COBL: variants seen among roughly 807,000 people sequenced by gnomAD.
COBL encodes cordon-bleu WH2 repeat protein.
COBL carries 51 observed loss-of-function variants against 98.8 expected under a neutral mutation model. The ratio of observed to expected loss-of-function variants is 0.52; its 90% confidence interval spans 0.41 to 0.65. The LOEUF (loss-of-function observed/expected upper bound fraction) is 0.65, where lower values mean the gene tolerates loss of function less well. Among genes scored for constraint, COBL ranks in the 30% least tolerant of loss-of-function variants. The pLI, the probability that COBL is intolerant of heterozygous loss-of-function variation, is 0.00. For synonymous variants in COBL, 634 were observed against 651.7 expected (o/e 0.97, Z 0.41); for missense variants, 1,617 against 1,617.5 (o/e 1.00, Z 0.01).
chr7:51,104,018 T>A (rs1796039399), intron 6 of COBL, among the ~76,000 whole-genome samples: 1 of 152,254 alleles, frequency 6.6e-6, no homozygotes, highest in Admixed American at 6.5e-5. Context: ...AGCCCAAAGT[T>A]TCCTGAGAGA....
intron 1 of COBL, among the ~76,000 whole-genome samples, chr7:51,231,915 G>C (rs2302151): frequency 1.4e-4 from 22 of 152,106 alleles, no homozygotes; most frequent in Middle Eastern, 3.4e-3. Context: ...CAGCACCTCG[G>C]GGGGAGGGGA....
intron 4 of COBL, among the ~76,000 whole-genome samples, chr7:51,187,217 A>T (rs1789610638): frequency 6.6e-6 from 1 of 151,888 alleles, no homozygotes; most frequent in Admixed American, 6.6e-5. Context: ...GAACAAGGCC[A>T]TAAGGAGTAA....
intron 1 of COBL, among the ~76,000 whole-genome samples, chr7:51,314,947 C>T (rs1803394979): frequency 6.6e-6 from 1 of 152,158 alleles, no homozygotes; most frequent in South Asian, 2.1e-4. Context: ...TAGGGTAAGT[C>T]CTTTCACTTC....
intron 1 of COBL, 58 bp downstream of exon 1, chr7:51,316,535 G>C (rs930293981): frequency 1.7e-6 from 2 of 1,167,236 alleles, no homozygotes; most frequent in Non-Finnish European, 2.1e-6. Context: ...GTGCGGACGC[G>C]GGCGTCCGAG....
At chr7:51,161,817 C>A (rs1275836916) in intron 5 of COBL, among the ~76,000 whole-genome samples, 1 of 151,708 alleles carries the variant, frequency 6.6e-6, no homozygotes, top group African/African-American at 2.4e-5. Context: ...CAGTTACTTT[C>A]AAAAGTTCAT....
At chr7:51,313,128 T>C (rs1803212897) in intron 1 of COBL, among the ~76,000 whole-genome samples, 2 of 152,236 alleles carry the variant, frequency 1.3e-5, no homozygotes, top group Admixed American at 1.3e-4. Context: ...AAAAGTTTTA[T>C]GTAACAGTTC....
intron 5 of COBL, among the ~76,000 whole-genome samples, chr7:51,149,782 T>G (rs1583969917): frequency 6.6e-6 from 1 of 152,128 alleles, no homozygotes; most frequent in Non-Finnish European, 1.5e-5. Context: ...ATTATTGTAT[T>G]CTTCGTAGAG....
At chr7:51,193,323 A>C in intron 3 of COBL, 56 bp downstream of exon 3, 4 of 1,504,312 alleles carry the variant, frequency 2.7e-6, no homozygotes, top group Non-Finnish European at 3.7e-6. Flanking sequence ...ACTGGCCCCT[A>C]CTCAGGACCT....
At chr7:51,045,897 C>T (rs1028362808) in intron 7 of COBL, among the ~76,000 whole-genome samples, 5 of 152,178 alleles carry the variant, frequency 3.3e-5, no homozygotes, top group South Asian at 2.1e-4. Context: ...GGTGCACACA[C>T]GTGTTAAACC....
chr7:51,183,821 C>A (rs1387501501), intron 5 of COBL, among the ~76,000 whole-genome samples: 1 of 152,194 alleles, frequency 6.6e-6, no homozygotes, highest in Non-Finnish European at 1.5e-5. Flanking sequence ...ACCGGAACAC[C>A]CACAGGCAGA....
chr7:51,314,826 A>C (rs1803380646), intron 1 of COBL, among the ~76,000 whole-genome samples: 1 of 152,230 alleles, frequency 6.6e-6, no homozygotes, highest in Non-Finnish European at 1.5e-5. Context: ...CCTTAGTTTT[A>C]CTTTGCAATT....
At chr7:51,253,531 G>GT in intron 1 of COBL, among the ~76,000 whole-genome samples, 1 of 152,202 alleles carries the variant, frequency 6.6e-6, no homozygotes, top group East Asian at 1.9e-4. Flanking sequence ...TATTGGAAAG[G>GT]TATCATTGCT....
At position 51,227,340 on chromosome 7, in the gene COBL, C is replaced by T. The variant is rs147264013; in HGVS notation, c.42-7396G>A. On this transcript the variant is annotated intron_variant, in intron 1 of 12. Coordinates refer to ENST00000265136, the MANE Select transcript of COBL (RefSeq NM_015198.5). ...AACTGCCTCAGGAGACAGAGGAAGACTGGAGTCACAGGGAGATGGAAGGAC... is the reference window on the plus strand; with the variant it reads ...AACTGCCTCAGGAGACAGAGGAAGATTGGAGTCACAGGGAGATGGAAGGAC... Among the ~76,000 whole-genome samples, 311 of 152,244 alleles carry T rather than the reference C, an allele frequency of 2.0e-3. 2 individuals are homozygous for T. Among genetic ancestry groups the T allele is most frequent in the Middle Eastern group, 0.01 (3 of 294 alleles).
At chr7:51,249,323 T>A (rs1236074484) in intron 1 of COBL, among the ~76,000 whole-genome samples, 3 of 152,172 alleles carry the variant, frequency 2.0e-5, no homozygotes, top group Non-Finnish European at 4.4e-5. Flanking sequence ...ATCTATTGCT[T>A]AACCCTAAGC....
At chr7:51,275,818 T>A (rs893479793) in intron 1 of COBL, among the ~76,000 whole-genome samples, 4 of 152,236 alleles carry the variant, frequency 2.6e-5, no homozygotes, top group African/African-American at 7.2e-5. Context: ...CCTGTCTCCA[T>A]GCTGATTGAT....
At chr7:51,309,519 G>A (rs554732855) in intron 1 of COBL, among the ~76,000 whole-genome samples, 2 of 152,310 alleles carry the variant, frequency 1.3e-5, no homozygotes, top group Admixed American at 1.3e-4. Flanking sequence ...CTGGCAAGCT[G>A]AGTCCAAGCA....
intron 1 of COBL, among the ~76,000 whole-genome samples, chr7:51,250,063 C>T (rs1796596876): frequency 6.6e-6 from 1 of 151,938 alleles, no homozygotes; most frequent in African/African-American, 2.4e-5. Flanking sequence ...GATCGCACCA[C>T]TGCACTCCAG....
intron 5 of COBL, among the ~76,000 whole-genome samples, chr7:51,179,969 G>T (rs2129049531): frequency 6.6e-6 from 1 of 152,226 alleles, no homozygotes; most frequent in East Asian, 1.9e-4. Flanking sequence ...TTTTCTTTTT[G>T]AGCTATTTAT....
chr7:51,058,035 C>G (rs1790942418), intron 7 of COBL, among the ~76,000 whole-genome samples: 1 of 151,962 alleles, frequency 6.6e-6, no homozygotes, highest in Non-Finnish European at 1.5e-5. Context: ...GTAAGGAAAA[C>G]ACAAACATTT....
Sources: allele counts gnomAD v4.1 joint callset (sites outside exome capture counted in the v4.1 genomes callset), GRCh38; gene constraint gnomAD v4.1.1; transcripts MANE v1.5; gene names NCBI Gene and HGNC (gene_info 2026-07-23, HGNC 2026-07-21).